Variants in CCDC18 observed in about 807,000 individuals in gnomAD.
The protein encoded by CCDC18 is coiled-coil domain containing 18, also known as coiled-coil domain-containing protein 18.
Under a neutral mutation model 196.0 loss-of-function variants are expected in CCDC18, and 157 were observed. That is an observed-to-expected ratio of 0.80 (90% CI 0.70 to 0.91). The LOEUF (loss-of-function observed/expected upper bound fraction) is 0.91. Ranked by LOEUF, CCDC18 falls within the 40% of genes least tolerant of loss-of-function variation. The probability of loss-of-function intolerance (pLI) is 0.00; values close to 1 mark genes in which losing one functional copy is unlikely to be tolerated. For synonymous variants in CCDC18, 482 were observed against 529.2 expected, an observed-to-expected ratio of 0.91 and a Z score of 1.22; for missense variants, 1,465 against 1,611.6, an observed-to-expected ratio of 0.91 and a Z score of 1.56.
chr1:93,262,776 G>A (rs966041050), intron 26 of CCDC18, among the ~76,000 whole-genome samples: 4 of 152,110 alleles, frequency 2.6e-5, no homozygotes, highest in Non-Finnish European at 5.9e-5. Flanking sequence ...GCCCCGGTGG[G>A]GACTCTGTGT....
chr1:93,271,415 T>A, intron 28 of CCDC18: 1 of 985,380 alleles, frequency 1.0e-6, no homozygotes, highest in Non-Finnish European at 1.2e-6. Flanking sequence ...TAGAGAGAAA[T>A]TCTTGAACAT....
chr1:93,201,684 G>GTTGTA (rs10622842), intron 6 of CCDC18, among the ~76,000 whole-genome samples: 19 of 151,344 alleles, frequency 1.3e-4, no homozygotes, highest in Admixed American at 2.6e-4. Flanking sequence ...ATTGTTTTGT[G>GTTGTA]TTTTATTTTT....
intron 27 of CCDC18, among the ~76,000 whole-genome samples, chr1:93,265,813 A>C (rs1664423757): frequency 6.6e-6 from 1 of 152,228 alleles, no homozygotes. Context: ...AGAGACCTAC[A>C]AAGAGACTTA....
At chr1:93,256,217 TTGTA>T in intron 24 of CCDC18, 114 bp from the exon 25 acceptor site, 1 of 775,418 alleles carries the variant, frequency 1.3e-6, no homozygotes, top group African/African-American at 1.7e-5. Context: ...AACATACTCA[TTGTA>T]TGTTAAAGGA....
chr1:93,271,394 CTCT>C (rs1398482374), intron 28 of CCDC18: 13 of 984,910 alleles, frequency 1.3e-5, no homozygotes, highest in African/African-American at 1.7e-5. Context: ...AGATATATCC[CTCT>C]TCTTTTTTAG....
chr1:93,266,067 A>G (rs955430154), intron 27 of CCDC18, among the ~76,000 whole-genome samples: 6 of 152,228 alleles, frequency 3.9e-5, no homozygotes, highest in Non-Finnish European at 8.8e-5. Flanking sequence ...CAGCAAATGT[A>G]AAAGAATAGA....
intron 1 of CCDC18, among the ~76,000 whole-genome samples, chr1:93,181,159 T>TAAAAAA (rs71094239): frequency 0.16 from 14,403 of 89,798 alleles, 1,810 homozygotes; most frequent in East Asian, 0.29. Flanking sequence ...TCTATAAAAT[T>TAAAAAA]AAAAAAAAAA....
chr1:93,213,777 G>A lies in CCDC18; in HGVS notation c.1496-966G>A, dbSNP rs112616696. ...CAGCGTATGATCTATCTTGGTGAAT[G>A]TTCCAAGTTGAGAATACTAGTAATT... On this transcript the variant is annotated intron_variant, in intron 11 of 28. Coordinates refer to ENST00000690025, the MANE Select transcript of CCDC18 (RefSeq NM_001378204.1). 8.5e-4 allele frequency among the ~76,000 whole-genome samples: 129 copies of A among 152,130 alleles called. 5 individuals carry two copies. The highest frequency in any genetic ancestry group is 2.6e-4 in the Non-Finnish European group (18 of 68,028).
At chr1:93,272,878 A>G (rs543759080) in intron 28 of CCDC18, among the ~76,000 whole-genome samples, 1 of 152,326 alleles carries the variant, frequency 6.6e-6, no homozygotes, top group Admixed American at 6.5e-5. Flanking sequence ...CATTCAAGAC[A>G]GAGCAGAAGG....
rs554259479 is a variant in CCDC18 at position 93,210,139 on chromosome 1, A to G, written c.1210-663A>G. 5.9e-5 allele frequency among the ~76,000 whole-genome samples: 9 copies of G among 152,350 alleles called. No homozygotes were observed. In the South Asian group the frequency reaches 1.9e-3, roughly 32 times the overall value. On this transcript the variant is annotated intron_variant, in intron 9 of 28. Transcript: ENST00000690025. Reference sequence around the variant, plus strand: ...TGTTTCTTGTAGTGCTAAGAATGACACGATTAGAAAATGTGATTTTTTTCT... The same window carrying G: ...TGTTTCTTGTAGTGCTAAGAATGACGCGATTAGAAAATGTGATTTTTTTCT...
chr1:93,247,735 T>C (rs1009966195), intron 23 of CCDC18, among the ~76,000 whole-genome samples: 5 of 151,770 alleles, frequency 3.3e-5, no homozygotes, highest in African/African-American at 1.2e-4. Context: ...GTTCTAATAG[T>C]TTTTTGGTGG....
intron 27 of CCDC18, among the ~76,000 whole-genome samples, chr1:93,266,215 G>A (rs1289394741): frequency 6.6e-6 from 1 of 152,124 alleles, no homozygotes; most frequent in African/African-American, 2.4e-5. Context: ...ACGAAATGAA[G>A]GCAGAAATGA....
chr1:93,245,102 T>C (rs1192004079), intron 21 of CCDC18, among the ~76,000 whole-genome samples: 2 of 152,200 alleles, frequency 1.3e-5, no homozygotes, highest in Non-Finnish European at 2.9e-5. Context: ...TTTATCTTTT[T>C]TACTATTAAA....
intron 28 of CCDC18, 75 bp downstream of exon 28, chr1:93,270,889 C>T: frequency 2.2e-6 from 3 of 1,377,700 alleles, no homozygotes; most frequent in Non-Finnish European, 2.9e-6. Flanking sequence ...GAAGAAAATT[C>T]ATATATTTAA....
At chr1:93,239,936 C>T (rs1660544466) in intron 21 of CCDC18, 40 bp downstream of exon 21, 3 of 1,277,520 alleles carry the variant, frequency 2.3e-6, no homozygotes, top group African/African-American at 1.5e-5. Context: ...AGTTATAAGT[C>T]CTTGGATAAT....
chr1:93,254,941 CTTTTTTTTTTT>C (rs34139452), intron 24 of CCDC18, among the ~76,000 whole-genome samples: 7 of 44,270 alleles, frequency 1.6e-4, no homozygotes, highest in African/African-American at 6.0e-4. Flanking sequence ...GAGGAGTCAG[CTTTTTTTTTTT>C]TTTTTTTTTT....
intron 16 of CCDC18, among the ~76,000 whole-genome samples, chr1:93,223,321 T>C (rs1447997499): frequency 6.6e-6 from 1 of 152,154 alleles, no homozygotes; most frequent in East Asian, 1.9e-4. Flanking sequence ...TGGGGAAAAA[T>C]CAAAATGAGT....
chr1:93,212,015 T>A (rs1655727644), intron 10 of CCDC18, 86 bp from the exon 11 acceptor site: 3 of 1,180,758 alleles, frequency 2.5e-6, no homozygotes, highest in Non-Finnish European at 3.6e-6. Flanking sequence ...ATTTTTTAAA[T>A]CAACTTGAAA....
At chr1:93,198,195 T>C (rs1451265272) in intron 6 of CCDC18, among the ~76,000 whole-genome samples, 3 of 152,216 alleles carry the variant, frequency 2.0e-5, no homozygotes, top group Non-Finnish European at 4.4e-5. Flanking sequence ...TTAAAAGACA[T>C]GTACAAGAAT....
Sources: allele counts gnomAD v4.1 joint callset (sites outside exome capture counted in the v4.1 genomes callset), GRCh38; gene constraint gnomAD v4.1.1; transcripts MANE v1.5; gene names NCBI Gene and HGNC (gene_info 2026-07-23, HGNC 2026-07-21).